Variants in KLHL32 observed in about 807,000 individuals in gnomAD.
KLHL32 encodes kelch like family member 32, also known as kelch-like protein 32.
KLHL32 carries 35 observed loss-of-function variants against 64.8 expected under a neutral mutation model. That is an observed-to-expected ratio of 0.54 (90% CI 0.41 to 0.72). KLHL32 has a LOEUF of 0.72. KLHL32 is among the 30% of genes least tolerant of loss of function. The probability of loss-of-function intolerance (pLI) is 0.00; values close to 1 mark genes in which losing one functional copy is unlikely to be tolerated. For synonymous variants in KLHL32, 259 were observed against 281.0 expected (o/e 0.92, Z 0.78); for missense variants, 589 against 768.5 (o/e 0.77, Z 2.76).
intron 1 of KLHL32, among the ~76,000 whole-genome samples, chr6:96,954,346 CTCTTT>C (rs1252510520): frequency 2.4e-4 from 4 of 16,482 alleles, no homozygotes; most frequent in Middle Eastern, 0.026. Context: ...TTAGATAATT[CTCTTT>C]TCTTTTCAAA....
chr6:96,986,537 G>T (rs1777095245), intron 3 of KLHL32, among the ~76,000 whole-genome samples: 1 of 152,216 alleles, frequency 6.6e-6, no homozygotes, highest in Admixed American at 6.5e-5. Context: ...GAGCTTCCTG[G>T]CTGCTTTGTT....
intron 3 of KLHL32, among the ~76,000 whole-genome samples, chr6:96,976,640 C>G (rs930104716): frequency 6.6e-6 from 1 of 152,166 alleles, no homozygotes; most frequent in Non-Finnish European, 1.5e-5. Flanking sequence ...CTCTTTCACC[C>G]AGGCTGGAGT....
the KLHL32 span, among the ~76,000 whole-genome samples, chr6:96,917,306 C>T: frequency 6.6e-6 from 1 of 152,222 alleles, no homozygotes; most frequent in Non-Finnish European, 1.5e-5. Flanking sequence ...TCCATCCTCC[C>T]TGATCTCTCT....
At chr6:96,930,399 C>T (rs1769714194) in intron 1 of KLHL32, among the ~76,000 whole-genome samples, 1 of 152,196 alleles carries the variant, frequency 6.6e-6, no homozygotes, top group Non-Finnish European at 1.5e-5. Flanking sequence ...AGTCCAGTTA[C>T]ATATCCCCTC....
chr6:96,993,577 T>A (rs1212148855), intron 3 of KLHL32, among the ~76,000 whole-genome samples: 2 of 152,206 alleles, frequency 1.3e-5, no homozygotes, highest in East Asian at 3.8e-4. Context: ...CAAAAGGGCA[T>A]AGACACAAGT....
At chr6:96,949,758 C>G (rs1772344016) in intron 1 of KLHL32, among the ~76,000 whole-genome samples, 1 of 152,094 alleles carries the variant, frequency 6.6e-6, no homozygotes, top group East Asian at 1.9e-4. Flanking sequence ...ACTTTTCTCT[C>G]TTTTTTTCCC....
chr6:97,114,245 G>A lies in KLHL32; in HGVS notation c.1090G>A (p.Ala364Thr). The A allele has an allele frequency of 6.2e-7, 1 of 1,614,150 alleles. No homozygotes were observed. The highest frequency in any genetic ancestry group is 8.5e-7 in the Non-Finnish European group (1 of 1,180,034). ...TGAGCATGCCAGTGGCCGGACGTGT[G>A]CTGTGAGGACTGCCTGTCGCTATGA... ...EVEHASGRTC[A>T]VRTACRYDPR... The change falls in exon 7 of 11, where the codon GCT becomes ACT. Residue 364 changes from alanine to threonine, a missense_variant. Physicochemically the swap from Ala to Thr is moderately conservative, Grantham distance 58. Coordinates refer to ENST00000369261, the MANE Select transcript of KLHL32 (RefSeq NM_052904.4).
chr6:96,968,391 CAAAAAA>C (rs111931786), intron 2 of KLHL32, among the ~76,000 whole-genome samples: 68 of 147,134 alleles, frequency 4.6e-4, no homozygotes, highest in Admixed American at 2.4e-3. Context: ...AAAACAAAAA[CAAAAAA>C]AAAAACATCT....
At chr6:96,961,485 C>T (rs72926815) in intron 1 of KLHL32, among the ~76,000 whole-genome samples, 19,694 of 152,162 alleles carry the variant, frequency 0.13, 1,565 homozygotes, top group East Asian at 0.26. Context: ...TTTTTTCCTA[C>T]CCCTTTTGTT....
rs112752309 is a variant in KLHL32 at position 96,957,604 on chromosome 6, T to A, written c.-65-9392T>A. Among the ~76,000 whole-genome samples, 1,283 of 152,294 alleles carry A rather than the reference T, an allele frequency of 8.4e-3. 33 individuals are homozygous for A. Among genetic ancestry groups the A allele is most frequent in the African/African-American group, 0.03 (1,231 of 41,564 alleles). The stretch of plus-strand genomic sequence containing the variant: ...TATTTTTAAAAAGCACCTCAGGATG[T>A]TATAATTGCAGGTTAGGTTATTTTG... On this transcript the variant is annotated intron_variant, in intron 1 of 10. Coordinates refer to ENST00000369261, the MANE Select transcript of KLHL32 (RefSeq NM_052904.4).
chr6:96,910,777 A>G, the KLHL32 span, among the ~76,000 whole-genome samples: 42 of 152,338 alleles, frequency 2.8e-4, 1 homozygote, highest in South Asian at 2.7e-3. Context: ...CTGGATTACC[A>G]TGAAGCAATT....
intron 4 of KLHL32, among the ~76,000 whole-genome samples, chr6:97,048,433 A>G (rs547916373): frequency 1.3e-5 from 2 of 152,210 alleles, no homozygotes; most frequent in African/African-American, 2.4e-5. Flanking sequence ...TTACAAGGAA[A>G]TATTGTATCA....
At chr6:96,917,711 A>G in the KLHL32 span, among the ~76,000 whole-genome samples, 4 of 152,152 alleles carry the variant, frequency 2.6e-5, no homozygotes, top group African/African-American at 7.2e-5. Context: ...TGTGCCAGGG[A>G]TCAATTCCTG....
chr6:97,127,046 A>G (rs751310409), intron 7 of KLHL32, among the ~76,000 whole-genome samples: 20 of 152,328 alleles, frequency 1.3e-4, no homozygotes, highest in Admixed American at 2.6e-4. Flanking sequence ...AATTTTCCAT[A>G]TAACTATGTC....
chr6:97,098,136 A>G (rs1404913428), intron 6 of KLHL32, among the ~76,000 whole-genome samples: 1 of 152,224 alleles, frequency 6.6e-6, no homozygotes, highest in African/African-American at 2.4e-5. Context: ...AGTATAGGCT[A>G]AAAACGATAC....
At chr6:97,093,858 A>G (rs1794603113) in intron 6 of KLHL32, among the ~76,000 whole-genome samples, 1 of 152,228 alleles carries the variant, frequency 6.6e-6, no homozygotes. Flanking sequence ...AATCTGACCA[A>G]GAGACATAAA....
rs554152658 is a variant in KLHL32, at chr6:96,967,043, G to A, written c.-18G>A. On this transcript the variant is annotated 5_prime_UTR_variant, in exon 2 of 11. Coordinates refer to ENST00000369261, the MANE Select transcript of KLHL32 (RefSeq NM_052904.4). ...TGCACACTTCTAAGGCTGAGAACCT[G>A]AGGAACCCAGCTGGAAAATGCCGTC... is the stretch of plus-strand genomic sequence containing the variant. The A allele has an allele frequency of 1.9e-6, 3 of 1,613,102 alleles. No individual in the cohort carries two copies. Among genetic ancestry groups the A allele is most frequent in the Non-Finnish European group, 2.5e-6 (3 of 1,179,256 alleles).
intron 3 of KLHL32, among the ~76,000 whole-genome samples, chr6:96,978,853 A>G (rs765432562): frequency 6.6e-6 from 1 of 152,078 alleles, no homozygotes; most frequent in Non-Finnish European, 1.5e-5. Flanking sequence ...GGTGTGAGAT[A>G]GTATCTCATT....
chr6:96,923,522 T>C (rs1294095141), upstream of KLHL32, among the ~76,000 whole-genome samples: 1 of 152,026 alleles, frequency 6.6e-6, no homozygotes, highest in Admixed American at 6.6e-5. Flanking sequence ...ACCATGAAAA[T>C]GAAGCACTAC....
Sources: gnomAD v4.1 joint callset for allele counts (sites outside exome capture counted in the v4.1 genomes callset) on GRCh38, gnomAD v4.1.1 for gene constraint, MANE v1.5 for transcripts, NCBI Gene and HGNC (gene_info 2026-07-23, HGNC 2026-07-21) for gene names.